Variants in PLXNB2 observed in about 807,000 individuals in gnomAD.
PLXNB2 encodes the protein plexin B2.
PLXNB2 carries 85 observed loss-of-function variants against 202.6 expected under a neutral mutation model. The observed-to-expected ratio is 0.42, with a 90% CI of 0.35 to 0.50. The LOEUF (loss-of-function observed/expected upper bound fraction) is 0.50. Ranked by LOEUF, PLXNB2 falls within the 20% of genes least tolerant of loss-of-function variation. The pLI is 0.02. For synonymous variants in PLXNB2, 1,239 were observed against 1,137.6 expected (o/e 1.09, Z -1.79); for missense variants, 2,063 against 2,586.2 (o/e 0.80, Z 4.39).
At chr22:50,277,157 C>G (rs1293266078) in intron 33 of PLXNB2, among the ~76,000 whole-genome samples, 5 of 152,100 alleles carry the variant, frequency 3.3e-5, no homozygotes, top group African/African-American at 1.2e-4. Flanking sequence ...AAATACTAGC[C>G]GTGCGTTGTG....
rs532708125 is a variant in PLXNB2, at chr22:50,289,521, G to A, written c.1064C>T (p.Ala355Val). The change falls in exon 3 of 37, where the codon GCG becomes GTG. Residue 355 changes from alanine (A) to valine (V), a missense_variant. This residue lies in a region of PLXNB2 where 1,303 missense variants were observed against 1,476.8 expected (regional missense o/e 0.88). Coordinates refer to ENST00000359337, the MANE Select transcript of PLXNB2 (RefSeq NM_012401.4). The surrounding 1 kb of genome is among the most constrained non-coding windows in gnomAD (Gnocchi z 8.0). ...FHGDIQCGGH[A>V]PGSSKSFPCG... ...AGAACACACTGAGGCCCATACCGGC[G>A]CGTGGCCGCCGCACTGGATATCGCC... 5.4e-5 allele frequency: 87 copies of A among 1,608,038 alleles called. 1 individual carries two copies. The East Asian group carries it at 9.8e-4, about 18-fold the overall frequency.
intron 35 of PLXNB2, 149 bp from the exon 36 acceptor site, chr22:50,276,112 A>T (rs6010225): frequency 4.5e-6 from 3 of 670,924 alleles, no homozygotes; most frequent in African/African-American, 3.6e-5. Flanking sequence ...CCCATGTGGC[A>T]CAGCCTCAGA....
intron 27 of PLXNB2, 62 bp from the exon 28 acceptor site, chr22:50,279,073 A>T (rs1408300617): frequency 1.6e-5 from 24 of 1,480,516 alleles, no homozygotes; most frequent in Non-Finnish European, 2.1e-5. Context: ...ACCATGCAGG[A>T]GCCACTCCCT....
At chr22:50,298,583 T>C (rs539328046) in intron 1 of PLXNB2, among the ~76,000 whole-genome samples, 12 of 152,326 alleles carry the variant, frequency 7.9e-5, no homozygotes, top group African/African-American at 2.9e-4. Flanking sequence ...TGCGGGGTGG[T>C]TCCAGTGGGG....
chr22:50,304,460 G>A (rs2067814795), intron 1 of PLXNB2, among the ~76,000 whole-genome samples: 1 of 152,230 alleles, frequency 6.6e-6, no homozygotes, highest in Admixed American at 6.5e-5. Context: ...GTGGCTGGGG[G>A]AGCCCAGAAC....
chr22:50,281,821 G>A, intron 20 of PLXNB2, 33 bp downstream of exon 20: 1 of 1,597,976 alleles, frequency 6.3e-7, no homozygotes, highest in Non-Finnish European at 8.5e-7. Context: ...GACCCGAGCA[G>A]GACCCAGACA....
rs923180818 is a variant in PLXNB2, at chr22:50,290,734, C to T, written c.-13-137G>A. ...CCACGAACTGAGGAACCTGGAGCTC[C>T]GCCCCTTCCTGCTTCACACCCCCGC... On this transcript the variant is annotated intron_variant, in intron 2 of 36. Coordinates refer to ENST00000359337, the MANE Select transcript of PLXNB2 (RefSeq NM_012401.4). 3.5e-5 allele frequency: 33 copies of T among 940,076 alleles called. No homozygotes were observed. The South Asian group carries it at 5.3e-4, about 15-fold the overall frequency. The allele number at this position is 940,076 out of a possible 1,614,324, so 58.2% of individuals were successfully genotyped here. A position where few individuals can be genotyped will look rare whatever the true frequency, so the allele number is the denominator to read the frequency against.
intron 1 of PLXNB2, 83 bp downstream of exon 1, chr22:50,307,470 C>T: frequency 1.3e-6 from 1 of 790,696 alleles, no homozygotes; most frequent in Non-Finnish European, 1.5e-6. Flanking sequence ...GCGCGGCAGG[C>T]CCGGGCGGAG....
At position 50,276,868 on chromosome 22, in the gene PLXNB2, G is replaced by A; in HGVS notation, c.5235C>T (p.Ile1745=). ...CCTCCACCATCTTCTTGTAGGTGGA[G>A]ATCTCCTTGGCGTACAGCAGCTTGT... ...PSNKLLYAKE[I]STYKKMVEDY... Residue 1745 remains isoleucine (I), a synonymous_variant, in exon 34 of 37, where the codon ATC becomes ATT. Transcript: ENST00000359337. 6.2e-7 allele frequency: 1 copy of A among 1,606,422 alleles called. No homozygotes were observed. Among genetic ancestry groups the A allele is most frequent in the Non-Finnish European group, 8.5e-7 (1 of 1,176,286 alleles).
chr22:50,293,967 G>A (rs2067078339), intron 2 of PLXNB2, among the ~76,000 whole-genome samples: 1 of 152,234 alleles, frequency 6.6e-6, no homozygotes, highest in Admixed American at 6.5e-5. Context: ...CGGCTGGGGT[G>A]ACACCCTACA....
Position 50,286,117 on chromosome 22 carries a change from G to C in PLXNB2, c.1878-19C>G. 3.7e-6 allele frequency: 6 copies of C among 1,611,422 alleles called. No individual in the cohort carries two copies. Among genetic ancestry groups the C allele is most frequent in the Non-Finnish European group, 5.1e-6 (6 of 1,178,748 alleles). ...GATGCACCTGCATCCAGAGGGGATC[G>C]TGAGCAGGGCTGGGGTGGACGGGCA... On this transcript the variant is annotated intron_variant, in intron 9 of 36. Coordinates refer to ENST00000359337, the MANE Select transcript of PLXNB2 (RefSeq NM_012401.4).
chr22:50,296,332 AGCCCAGGAG>A (rs1377032018), intron 1 of PLXNB2, among the ~76,000 whole-genome samples: 2 of 152,072 alleles, frequency 1.3e-5, no homozygotes, highest in Non-Finnish European at 2.9e-5. Flanking sequence ...GAGTAGCTTG[AGCCCAGGAG>A]GTCTAGGCTG....
intron 1 of PLXNB2, chr22:50,300,135 G>T: frequency 2.5e-6 from 1 of 394,130 alleles, no homozygotes; most frequent in Non-Finnish European, 3.5e-6. Context: ...CCTGGAGGGA[G>T]CACGTGGCCG....
intron 25 of PLXNB2, 127 bp from the exon 26 acceptor site, chr22:50,280,198 C>T (rs1315412313): frequency 2.2e-5 from 16 of 725,244 alleles, no homozygotes; most frequent in African/African-American, 7.1e-5. Flanking sequence ...TGGCCTGCAG[C>T]GAGGACTACC....
intron 2 of PLXNB2, among the ~76,000 whole-genome samples, chr22:50,293,652 G>A (rs116427942): frequency 0.015 from 2,244 of 152,308 alleles, 57 homozygotes; most frequent in African/African-American, 0.051. Flanking sequence ...CGGGGCCCAC[G>A]GTCCCCTCGG....
At chr22:50,287,448 C>A (rs2066540798) in intron 7 of PLXNB2, among the ~76,000 whole-genome samples, 184 bp from the exon 8 acceptor site, 1 of 152,156 alleles carries the variant, frequency 6.6e-6, no homozygotes, top group Non-Finnish European at 1.5e-5. Flanking sequence ...GGGCCTGAGT[C>A]CACCCTGGAT....
At chr22:50,282,603 G>A (rs1285004167) in intron 18 of PLXNB2, 108 bp downstream of exon 18, 24 of 867,426 alleles carry the variant, frequency 2.8e-5, no homozygotes, top group South Asian at 1.4e-4. Context: ...GCCGCCTCCC[G>A]CTGCACAGAC....
chr22:50,296,193 T>TACACACCC (rs2067247826), intron 1 of PLXNB2, among the ~76,000 whole-genome samples: 1 of 139,422 alleles, frequency 7.2e-6, no homozygotes, highest in South Asian at 2.4e-4. Context: ...TCTCAAAAAA[T>TACACACCC]ACACACACAC....
At chr22:50,279,830 G>T in intron 26 of PLXNB2, 54 bp from the exon 27 acceptor site, 1 of 1,599,730 alleles carries the variant, frequency 6.3e-7, no homozygotes. Context: ...GGCCTGGAAG[G>T]GGCCCCCGGA....
Sources: allele counts gnomAD v4.1 joint callset (sites outside exome capture counted in the v4.1 genomes callset), GRCh38; gene constraint gnomAD v4.1.1; regional missense constraint gnomAD v4.1.1; non-coding constraint Gnocchi (gnomAD v3.1); transcripts MANE v1.5; gene names NCBI Gene and HGNC (gene_info 2026-07-23, HGNC 2026-07-21).